PAM: variants seen among roughly 807,000 people sequenced by gnomAD.
The protein encoded by PAM is peptidyl-glycine alpha-amidating monooxygenase.
PAM carries 72 observed loss-of-function variants against 122.1 expected under a neutral mutation model. That is an observed-to-expected ratio of 0.59 (90% CI 0.49 to 0.72). The LOEUF is 0.72. Among genes scored for constraint, PAM ranks in the 30% least tolerant of loss-of-function variants. PAM has a pLI of 0.00. For missense variants in PAM, 1,106 were observed against 1,183.7 expected (o/e 0.93, Z 0.96); for synonymous variants, 389 against 404.4 (o/e 0.96, Z 0.46).
At chr5:102,779,020 CTCTG>C in intron 1 of PAM, among the ~76,000 whole-genome samples, 1 of 152,172 alleles carries the variant, frequency 6.6e-6, no homozygotes, top group Non-Finnish European at 1.5e-5. Context: ...ATGGGCTTCT[CTCTG>C]TGCCTCTAAC....
Position 102,827,835 on chromosome 5 carries a change from C to T in PAM, c.-373-37988C>T, listed in dbSNP as rs1424950391. Among the ~76,000 whole-genome samples, 4 of 15,486 alleles carry T rather than the reference C, an allele frequency of 2.6e-4. 2 individuals carry two copies. The highest frequency in any genetic ancestry group is 4.1e-4 in the Non-Finnish European group (4 of 9,704). The allele number at this position is 15,486 out of a possible 152,430, so 10.2% of individuals were successfully genotyped here. On this transcript the variant is annotated intron_variant, in intron 1 of 25. Coordinates refer to ENST00000438793, the MANE Select transcript of PAM (RefSeq NM_001177306.2). ...CCGAGTAGCTGGGACTACAGGCGCC[C>T]GCCACTACGCCCGGCTAATTTTTTG...
At chr5:102,926,135 C>T (rs553486621) in intron 6 of PAM, among the ~76,000 whole-genome samples, 57 of 152,092 alleles carry the variant, frequency 3.7e-4, no homozygotes, top group Non-Finnish European at 7.2e-4. Context: ...TCGCCCAGGC[C>T]GGACTGCGGA....
intron 3 of PAM, among the ~76,000 whole-genome samples, chr5:102,875,267 A>T (rs1277587733): frequency 2.0e-5 from 3 of 152,032 alleles, no homozygotes; most frequent in Non-Finnish European, 4.4e-5. Context: ...GTCAAAGCTC[A>T]CTGCTACCTC....
intron 5 of PAM, among the ~76,000 whole-genome samples, chr5:102,919,827 G>A (rs1460850002): frequency 6.6e-6 from 1 of 151,902 alleles, no homozygotes; most frequent in Non-Finnish European, 1.5e-5. Context: ...TATGTTCCTT[G>A]GCTAATAATA....
intron 3 of PAM, among the ~76,000 whole-genome samples, chr5:102,900,385 A>C (rs1797461245): frequency 6.6e-6 from 1 of 151,588 alleles, no homozygotes; most frequent in Non-Finnish European, 1.5e-5. Context: ...GGCATATATA[A>C]AAGTAGTAAC....
At chr5:103,009,359 T>C (rs1245891452) in intron 20 of PAM, among the ~76,000 whole-genome samples, 1 of 152,186 alleles carries the variant, frequency 6.6e-6, no homozygotes, top group Non-Finnish European at 1.5e-5. Flanking sequence ...TGGCAAATAT[T>C]ACTTATTTTT....
At chr5:102,852,617 G>A (rs1298587820) in intron 1 of PAM, among the ~76,000 whole-genome samples, 1 of 151,990 alleles carries the variant, frequency 6.6e-6, no homozygotes, top group Non-Finnish European at 1.5e-5. Flanking sequence ...GTTTTAAAGA[G>A]GGATGTAATT....
At chr5:103,010,190 G>C (rs200676559) in intron 21 of PAM, among the ~76,000 whole-genome samples, 1 of 152,176 alleles carries the variant, frequency 6.6e-6, no homozygotes, top group African/African-American at 2.4e-5. Flanking sequence ...TAAATCAGTC[G>C]CTTTCTGGTT....
Position 102,929,349 on chromosome 5 carries a change from A to G in PAM, c.526+2681A>G, listed in dbSNP as rs186904390. 1.4e-4 allele frequency among the ~76,000 whole-genome samples: 21 copies of G among 152,320 alleles called. No homozygotes were observed. In the East Asian group the frequency reaches 3.9e-3, roughly 28 times the overall value. Reference sequence around the variant, plus strand: ...AAGTGGAAAATAATTGTATCATTTTATCTTCTAATTATAAAAAATGCATTA... The same window carrying G: ...AAGTGGAAAATAATTGTATCATTTTGTCTTCTAATTATAAAAAATGCATTA... On this transcript the variant is annotated intron_variant, in intron 7 of 25. Coordinates refer to ENST00000438793, the MANE Select transcript of PAM (RefSeq NM_001177306.2).
rs61367764 is a variant in PAM, at chr5:102,882,052, AATATATATAT to A, written c.210+14709_210+14718del. 5.0e-3 allele frequency among the ~76,000 whole-genome samples: 307 copies of A among 61,894 alleles called. 3 individuals are homozygous for A. Among genetic ancestry groups the A allele is most frequent in the Admixed American group, 6.4e-3 (30 of 4,678 alleles). 40.6% of individuals were successfully genotyped at this position (61,894 alleles called of 152,430 possible). ...GTGGCTGAGTAGTATTCCATCGTGG[AATATATATAT>A]ATATATATATATATATATATATATA... On this transcript the variant is annotated intron_variant, in intron 3 of 25. Transcript: ENST00000438793.
intron 1 of PAM, among the ~76,000 whole-genome samples, chr5:102,779,591 C>T (rs937290510): frequency 6.6e-5 from 10 of 151,918 alleles, no homozygotes; most frequent in African/African-American, 2.4e-4. Flanking sequence ...AGGAGATTAA[C>T]ATTTGAGTCA....
chr5:102,764,292 A>AAT (rs1180520310), intron 1 of PAM, among the ~76,000 whole-genome samples: 1 of 150,212 alleles, frequency 6.7e-6, no homozygotes, highest in African/African-American at 2.4e-5. Flanking sequence ...ATATATAATA[A>AAT]ATATATATAT....
At chr5:102,784,043 G>A (rs1759800583) in intron 1 of PAM, among the ~76,000 whole-genome samples, 1 of 152,006 alleles carries the variant, frequency 6.6e-6, no homozygotes, top group Non-Finnish European at 1.5e-5. Flanking sequence ...AAAGGCGCCC[G>A]CCACCACGCC....
At chr5:102,849,515 G>A (rs566328850) in intron 1 of PAM, among the ~76,000 whole-genome samples, 4 of 144,602 alleles carry the variant, frequency 2.8e-5, no homozygotes, top group South Asian at 4.4e-4. Context: ...CCGAGATCGC[G>A]CCACTGCACT....
intron 3 of PAM, among the ~76,000 whole-genome samples, chr5:102,881,142 A>ACACACT: frequency 6.6e-6 from 1 of 151,826 alleles, no homozygotes; most frequent in East Asian, 1.9e-4. Context: ...ACACACACAC[A>ACACACT]CACACACACA....
intron 1 of PAM, among the ~76,000 whole-genome samples, chr5:102,779,044 G>A (rs761966066): frequency 3.1e-4 from 47 of 152,220 alleles, no homozygotes; most frequent in Non-Finnish European, 4.6e-4. Context: ...CTTGTCTTCT[G>A]CAAAGTGAAG....
intron 1 of PAM, among the ~76,000 whole-genome samples, chr5:102,862,589 A>G (rs1581068141): frequency 1.3e-5 from 2 of 152,242 alleles, no homozygotes; most frequent in South Asian, 4.1e-4. Context: ...AATTTCTATA[A>G]GAGTGGGAAC....
Position 102,782,735 on chromosome 5 carries a change from G to C in PAM, c.-374+27387G>C, listed in dbSNP as rs973160082. Reference sequence around the variant, plus strand: ...TCTCTCTCTCTCTCTCTGTGTGTGTGTGTGTGTGTGTGTGTGTGTGTGTGT... The same window carrying C: ...TCTCTCTCTCTCTCTCTGTGTGTGTCTGTGTGTGTGTGTGTGTGTGTGTGT... On this transcript the variant is annotated intron_variant, in intron 1 of 25. Transcript: ENST00000438793. Among the ~76,000 whole-genome samples the C allele has an allele frequency of 1.5e-3, 226 of 150,980 alleles. 1 individual carries two copies. Among genetic ancestry groups the C allele is most frequent in the African/African-American group, 5.1e-3 (211 of 41,048 alleles).
chr5:102,945,785 T>TA (rs1248060667), intron 7 of PAM, among the ~76,000 whole-genome samples: 1 of 151,956 alleles, frequency 6.6e-6, no homozygotes, highest in East Asian at 1.9e-4. Flanking sequence ...GAGTACTGAT[T>TA]TGTTTTTTCA....
Sources: gnomAD v4.1 joint callset for allele counts (sites outside exome capture counted in the v4.1 genomes callset) on GRCh38, gnomAD v4.1.1 for gene constraint, MANE v1.5 for transcripts, NCBI Gene and HGNC (gene_info 2026-07-23, HGNC 2026-07-21) for gene names.